DPYD: variants seen among roughly 807,000 people sequenced by gnomAD.
DPYD encodes the protein dihydropyrimidine dehydrogenase [NADP(+)].
DPYD carries 109 observed loss-of-function variants against 116.2 expected under a neutral mutation model. That is an observed-to-expected ratio of 0.94 (90% CI 0.80 to 1.10). The LOEUF (loss-of-function observed/expected upper bound fraction) is 1.10. Ranked by LOEUF, DPYD falls within the 50% of genes least tolerant of loss-of-function variation. The probability of loss-of-function intolerance (pLI) is 0.00; values close to 1 mark genes in which losing one functional copy is unlikely to be tolerated. For missense variants in DPYD, 1,302 were observed against 1,254.5 expected, an observed-to-expected ratio of 1.04 and a Z score of -0.57; for synonymous variants, 440 against 432.0, an observed-to-expected ratio of 1.02 and a Z score of -0.23.
At chr1:97,754,490 T>C (rs1665121083) in intron 3 of DPYD, among the ~76,000 whole-genome samples, 1 of 152,212 alleles carries the variant, frequency 6.6e-6, no homozygotes, top group African/African-American at 2.4e-5. Context: ...GCATGCTCCA[T>C]TAATTTAAGA....
intron 1 of DPYD, among the ~76,000 whole-genome samples, chr1:97,901,251 C>T (rs1673353947): frequency 6.6e-6 from 1 of 151,802 alleles, no homozygotes; most frequent in Non-Finnish European, 1.5e-5. Context: ...CTCTGTACTT[C>T]TTCTATGGGC....
chr1:97,144,913 CAG>C (rs1234859723), intron 20 of DPYD, among the ~76,000 whole-genome samples: 2 of 152,228 alleles, frequency 1.3e-5, no homozygotes, highest in Non-Finnish European at 2.9e-5. Context: ...GCAAATAAAA[CAG>C]TATACCTTTC....
chr1:97,651,485 C>T (rs774961049), intron 8 of DPYD, among the ~76,000 whole-genome samples: 6 of 152,010 alleles, frequency 3.9e-5, no homozygotes, highest in South Asian at 2.1e-4. Context: ...TGTTTTCACC[C>T]GCTGCAAGGC....
At chr1:97,835,727 T>C (rs1403067401) in intron 2 of DPYD, among the ~76,000 whole-genome samples, 1 of 152,148 alleles carries the variant, frequency 6.6e-6, no homozygotes, top group African/African-American at 2.4e-5. Context: ...TGAAACACAG[T>C]ATCATTATTT....
chr1:97,894,216 G>A (rs773361074), intron 1 of DPYD, among the ~76,000 whole-genome samples: 2 of 151,808 alleles, frequency 1.3e-5, no homozygotes, highest in Non-Finnish European at 2.9e-5. Context: ...GAGAGGATGA[G>A]AATGAGAGAA....
chr1:97,640,715 G>T (rs1006593410), intron 8 of DPYD, among the ~76,000 whole-genome samples: 1 of 152,118 alleles, frequency 6.6e-6, no homozygotes, highest in African/African-American at 2.4e-5. Flanking sequence ...GGCAAAAGGT[G>T]GGACAGAGCC....
intron 19 of DPYD, among the ~76,000 whole-genome samples, chr1:97,208,959 G>GGTGT (rs146440035): frequency 6.6e-6 from 1 of 151,594 alleles, no homozygotes; most frequent in South Asian, 2.1e-4. Context: ...TGTCTTCTGA[G>GGTGT]GTGTGTGTGT....
intron 13 of DPYD, among the ~76,000 whole-genome samples, chr1:97,495,361 T>C (rs954630809): frequency 6.6e-6 from 1 of 152,166 alleles, no homozygotes; most frequent in Non-Finnish European, 1.5e-5. Context: ...TTTCAGGCAG[T>C]GTCCTTTCTT....
intron 13 of DPYD, among the ~76,000 whole-genome samples, chr1:97,486,638 T>A (rs1347665717): frequency 1.3e-5 from 2 of 152,174 alleles, no homozygotes; most frequent in African/African-American, 4.8e-5. Flanking sequence ...TGGGAAGGTA[T>A]ATCACTGTTA....
At chr1:97,723,258 A>C (rs1480206571) in intron 4 of DPYD, among the ~76,000 whole-genome samples, 1 of 151,626 alleles carries the variant, frequency 6.6e-6, no homozygotes, top group Non-Finnish European at 1.5e-5. Flanking sequence ...AATATGCAGT[A>C]AGAATGTGGT....
rs749128225 is a variant in DPYD at position 97,726,981 on chromosome 1, C to T, written c.322-5310G>A. On this transcript the variant is annotated intron_variant, in intron 4 of 22. Coordinates refer to ENST00000370192, the MANE Select transcript of DPYD (RefSeq NM_000110.4). ...CTAATAATTCTTAACACTCTCATGA[C>T]TCTAAGTAAAACCCTTTCACTAAAA... is the stretch of plus-strand genomic sequence containing the variant. Among the ~76,000 whole-genome samples, 29 of 151,600 alleles carry T rather than the reference C, an allele frequency of 1.9e-4. 1 individual carries two copies. Among genetic ancestry groups the T allele is most frequent in the Non-Finnish European group, 1.6e-4 (11 of 67,706 alleles).
At chr1:97,519,054 A>C (rs1477586297) in intron 12 of DPYD, among the ~76,000 whole-genome samples, 1 of 152,152 alleles carries the variant, frequency 6.6e-6, no homozygotes, top group Non-Finnish European at 1.5e-5. Flanking sequence ...ATTTTTGCTT[A>C]TTATAATTTT....
intron 2 of DPYD, chr1:97,856,866 C>G (rs2101581961): frequency 6.6e-6 from 1 of 152,398 alleles, no homozygotes; most frequent in Non-Finnish European, 1.5e-5. Context: ...TTGGCAGATG[C>G]TGCAGACCTC....
Position 97,737,228 on chromosome 1 carries a change from T to C in DPYD, c.321+3164A>G, listed in dbSNP as rs576117355. 2.0e-5 allele frequency among the ~76,000 whole-genome samples: 3 copies of C among 152,252 alleles called. No individual in the cohort carries two copies. In the East Asian group the frequency reaches 5.8e-4, roughly 29 times the overall value. ...CTCTTGAGCACTGTCTTATGGCAGA[T>C]AGATAAGTCAATACTCTTTAAATGG... On this transcript the variant is annotated intron_variant, in intron 4 of 22. Coordinates refer to ENST00000370192, the MANE Select transcript of DPYD (RefSeq NM_000110.4).
chr1:97,096,671 C>T (rs901241542), intron 21 of DPYD, among the ~76,000 whole-genome samples: 37 of 152,146 alleles, frequency 2.4e-4, no homozygotes, highest in African/African-American at 7.5e-4. Flanking sequence ...GTAAAACGCA[C>T]GAATCAGCAG....
At chr1:97,430,940 A>G (rs575870263) in intron 14 of DPYD, among the ~76,000 whole-genome samples, 123 of 152,276 alleles carry the variant, frequency 8.1e-4, no homozygotes, top group African/African-American at 2.9e-3. Flanking sequence ...AGAAGGAAAA[A>G]AAAAATAACA....
At chr1:97,720,111 T>G (rs1460919104) in intron 5 of DPYD, 2 of 984,880 alleles carry the variant, frequency 2.0e-6, no homozygotes, top group African/African-American at 3.5e-5. Context: ...TGTGAGAGTT[T>G]CCAGAGGAAT....
At chr1:97,556,281 C>G (rs1246190718) in intron 11 of DPYD, among the ~76,000 whole-genome samples, 3 of 152,050 alleles carry the variant, frequency 2.0e-5, no homozygotes, top group African/African-American at 7.2e-5. Context: ...TCCACCTGTC[C>G]TCATGATGCA....
intron 13 of DPYD, among the ~76,000 whole-genome samples, chr1:97,476,580 A>T (rs2101868062): frequency 6.6e-6 from 1 of 152,300 alleles, no homozygotes; most frequent in African/African-American, 2.4e-5. Flanking sequence ...TTTACACTGG[A>T]AAACTTGAAA....
Sources: allele counts gnomAD v4.1 joint callset (sites outside exome capture counted in the v4.1 genomes callset), GRCh38; gene constraint gnomAD v4.1.1; transcripts MANE v1.5; gene names NCBI Gene and HGNC (gene_info 2026-07-23, HGNC 2026-07-21).